TSNAX: variants seen among roughly 807,000 people sequenced by gnomAD.
TSNAX encodes the protein translin associated factor X.
In TSNAX, 12 loss-of-function variants were observed where a neutral mutation model predicts 33.0. That is an observed-to-expected ratio of 0.36 (90% confidence interval 0.23 to 0.59). TSNAX has a LOEUF of 0.59. Among genes scored for constraint, TSNAX ranks in the 20% least tolerant of loss-of-function variants. The pLI, the probability that TSNAX is intolerant of heterozygous loss-of-function variation, is 0.74. For missense variants in TSNAX, 267 were observed against 341.3 expected (o/e 0.78, Z 1.72); for synonymous variants, 110 against 117.2 (o/e 0.94, Z 0.40).
At position 231,564,956 on chromosome 1, in the gene TSNAX, A is replaced by G. The variant is rs752097287; in HGVS notation, c.*51A>G. On this transcript the variant is annotated 3_prime_UTR_variant, in exon 6 of 6. Coordinates refer to ENST00000366639, the MANE Select transcript of TSNAX (RefSeq NM_005999.3). ...TCTTTTGAGAACTCCTAAGAGACCA[A>G]TTTGTAAGACTTATTTAGTATTTCA... 3.2e-6 allele frequency: 5 copies of G among 1,555,310 alleles called. No homozygotes were observed. Among genetic ancestry groups the G allele is most frequent in the Admixed American group, 1.9e-5 (1 of 51,760 alleles).
At chr1:231,559,963 AATTATTATT>A (rs1279104097) in intron 4 of TSNAX, among the ~76,000 whole-genome samples, 1 of 148,958 alleles carries the variant, frequency 6.7e-6, no homozygotes, top group Non-Finnish European at 1.5e-5. Context: ...GAAAGATCCA[AATTATTATT>A]ATTATTATTA....
At chr1:231,545,502 TAATTAGCTGCTTGA>T (rs1436921229) in intron 4 of TSNAX, among the ~76,000 whole-genome samples, 1 of 152,100 alleles carries the variant, frequency 6.6e-6, no homozygotes, top group African/African-American at 2.4e-5. Context: ...AATGAACAAA[TAATTAGCTGCTTGA>T]AATAAGTCTT....
At chr1:231,545,433 G>A (rs960726799) in intron 4 of TSNAX, among the ~76,000 whole-genome samples, 15 of 152,090 alleles carry the variant, frequency 9.9e-5, no homozygotes, top group Admixed American at 2.0e-4. Flanking sequence ...CGTCAGGTCT[G>A]TTTTCTACAC....
chr1:231,537,136 G>A, intron 2 of TSNAX, 77 bp from the exon 3 acceptor site: 1 of 1,149,922 alleles, frequency 8.7e-7, no homozygotes, highest in Admixed American at 2.0e-5. Flanking sequence ...CAGCATATGT[G>A]ACGTACATCT....
intron 4 of TSNAX, among the ~76,000 whole-genome samples, chr1:231,544,120 T>G (rs1359308675): frequency 6.6e-6 from 1 of 152,190 alleles, no homozygotes; most frequent in African/African-American, 2.4e-5. Flanking sequence ...GGTATGCGTG[T>G]GTAATCTTGA....
At chr1:231,534,605 CA>C (rs1313289087) in intron 2 of TSNAX, 2 of 152,148 alleles carry the variant, frequency 1.3e-5, no homozygotes, top group Non-Finnish European at 2.9e-5. Flanking sequence ...GTAATAGCAG[CA>C]AAATAATAAG....
chr1:231,553,682 C>CTTTTTT (rs5781656), intron 4 of TSNAX, among the ~76,000 whole-genome samples: 2 of 133,756 alleles, frequency 1.5e-5, no homozygotes, highest in East Asian at 2.2e-4. Context: ...TCTTTCTTTC[C>CTTTTTT]TTTTTTTTTT....
chr1:231,541,834 G>A (rs889072806), intron 3 of TSNAX, among the ~76,000 whole-genome samples: 2 of 152,162 alleles, frequency 1.3e-5, no homozygotes, highest in Non-Finnish European at 2.9e-5. Flanking sequence ...TGCCTGCACT[G>A]ATCAGTACTC....
intron 4 of TSNAX, among the ~76,000 whole-genome samples, chr1:231,554,155 T>C (rs1440658347): frequency 6.6e-6 from 1 of 152,186 alleles, no homozygotes; most frequent in Non-Finnish European, 1.5e-5. Flanking sequence ...TTTTGAGGAC[T>C]CTTATTCCAT....
chr1:231,541,140 T>C (rs926103241), intron 3 of TSNAX, among the ~76,000 whole-genome samples: 1 of 152,208 alleles, frequency 6.6e-6, no homozygotes, highest in African/African-American at 2.4e-5. Flanking sequence ...TCTTCTCTCC[T>C]TCCTGCCTTA....
chr1:231,543,483 G>A lies in TSNAX; in HGVS notation c.367+872G>A, dbSNP rs367567310. ...CTTTTAAGCATGACCTTTGAGCATC[G>A]TGTCAGCACTCAAAACGTTTTGGAT... On this transcript the variant is annotated intron_variant, in intron 4 of 5. Transcript: ENST00000366639. Among the ~76,000 whole-genome samples the A allele has an allele frequency of 2.6e-3, 397 of 152,096 alleles. 1 individual carries two copies. The highest frequency in any genetic ancestry group is 9.1e-3 in the African/African-American group (377 of 41,504).
At chr1:231,541,895 T>C (rs1181929907) in intron 3 of TSNAX, among the ~76,000 whole-genome samples, 1 of 152,202 alleles carries the variant, frequency 6.6e-6, no homozygotes, top group Non-Finnish European at 1.5e-5. Flanking sequence ...GCTCTCTGTT[T>C]ATACAGCTTT....
chr1:231,543,024 A>G (rs761418705), intron 4 of TSNAX, among the ~76,000 whole-genome samples: 1 of 152,034 alleles, frequency 6.6e-6, no homozygotes, highest in African/African-American at 2.4e-5. Context: ...TAAAAAATAC[A>G]AAACTTAGCC....
At chr1:231,538,950 G>A (rs79866045) in intron 3 of TSNAX, among the ~76,000 whole-genome samples, 1 of 147,348 alleles carries the variant, frequency 6.8e-6, no homozygotes, top group Non-Finnish European at 1.5e-5. Flanking sequence ...AAAAAAAAAA[G>A]ATACTGAAGT....
Position 231,565,007 on chromosome 1 carries a change from A to G in TSNAX, c.*102A>G, listed in dbSNP as rs1218198630. On this transcript the variant is annotated 3_prime_UTR_variant, in exon 6 of 6. Coordinates refer to ENST00000366639, the MANE Select transcript of TSNAX (RefSeq NM_005999.3). ...TTTAACTTTATTGTGGCTTTTACAT[A>G]GAAACATATTCAGTTGTACTTGTTT... 5.9e-6 allele frequency: 8 copies of G among 1,357,134 alleles called. No individual in the cohort carries two copies. In the South Asian group the frequency reaches 8.7e-5, roughly 15 times the overall value. 84.1% of individuals were successfully genotyped at this position (1,357,134 alleles called of 1,614,324 possible).
At position 231,564,525 on chromosome 1, in the gene TSNAX, C is replaced by T; in HGVS notation, c.496-3C>T. ...TTTTTGTTTTGTTTTGTTTTTTTACCAGCCCTCCTCTGATGCACAGGATAA... is the reference window on the plus strand; with the variant it reads ...TTTTTGTTTTGTTTTGTTTTTTTACTAGCCCTCCTCTGATGCACAGGATAA... On this transcript the variant is annotated splice_polypyrimidine_tract_variant and splice_region_variant and intron_variant, in intron 5 of 5. Transcript: ENST00000366639. 5 of 1,595,874 alleles carry T rather than the reference C, an allele frequency of 3.1e-6. No homozygotes were observed. Among genetic ancestry groups the T allele is most frequent in the Non-Finnish European group, 2.6e-6 (3 of 1,168,876 alleles).
At position 231,528,787 on chromosome 1, in the gene TSNAX, C is replaced by T. The variant is rs770804364; in HGVS notation, c.-24C>T. ...TGCTCCAGGTCCTTCAGTCTCCGCT[C>T]GTCTCACCGTAGGCTGTGACGACAT... On this transcript the variant is annotated 5_prime_UTR_variant, in exon 1 of 6. Transcript: ENST00000366639. 9 of 1,614,138 alleles carry T rather than the reference C, an allele frequency of 5.6e-6. No homozygotes were observed. The highest frequency in any genetic ancestry group is 1.7e-4 in the Middle Eastern group (1 of 6,020).
At chr1:231,560,026 C>A (rs1370180582) in intron 4 of TSNAX, among the ~76,000 whole-genome samples, 2 of 151,120 alleles carry the variant, frequency 1.3e-5, no homozygotes, top group Admixed American at 6.6e-5. Flanking sequence ...GCCGCCTAGG[C>A]CGCAGTGCAG....
intron 2 of TSNAX, among the ~76,000 whole-genome samples, chr1:231,532,355 C>T (rs1658819038): frequency 6.6e-6 from 1 of 151,958 alleles, no homozygotes; most frequent in African/African-American, 2.4e-5. Context: ...CCACACGTGG[C>T]TAGTTTTTAG....
Sources: allele counts gnomAD v4.1 joint callset (sites outside exome capture counted in the v4.1 genomes callset), GRCh38; gene constraint gnomAD v4.1.1; transcripts MANE v1.5; gene names NCBI Gene and HGNC (gene_info 2026-07-23, HGNC 2026-07-21).